The following PCGF3 variants were observed in gnomAD, a reference collection of about 807,000 sequenced individuals.
PCGF3 encodes the protein polycomb group ring finger 3, also known as polycomb group RING finger protein 3.
Under a neutral mutation model 33.1 loss-of-function variants are expected in PCGF3, and 7 were observed. The ratio of observed to expected loss-of-function variants is 0.21; its 90% CI spans 0.12 to 0.40. The LOEUF (loss-of-function observed/expected upper bound fraction) is 0.40, where lower values mean the gene tolerates loss of function less well. PCGF3 is among the 10% of genes least tolerant of loss of function. The pLI is 1.00. For missense variants in PCGF3, 211 were observed against 313.3 expected (o/e 0.67, Z 2.46); for synonymous variants, 153 against 121.3 (o/e 1.26, Z -1.72).
chr4:742,841 G>A (rs1744153505), intron 6 of PCGF3, among the ~76,000 whole-genome samples: 1 of 152,214 alleles, frequency 6.6e-6, no homozygotes, highest in African/African-American at 2.4e-5. Flanking sequence ...GCAACGGGGT[G>A]CCAGAGCTCA....
intron 8 of PCGF3, among the ~76,000 whole-genome samples, chr4:752,422 A>G (rs778334274): frequency 1.3e-5 from 2 of 152,064 alleles, no homozygotes; most frequent in Non-Finnish European, 2.9e-5. Flanking sequence ...TCCTTTCTGG[A>G]GCCTGACTTC....
intron 10 of PCGF3, among the ~76,000 whole-genome samples, 170 bp downstream of exon 10, chr4:765,234 C>T (rs938973224): frequency 1.3e-5 from 2 of 152,166 alleles, no homozygotes; most frequent in African/African-American, 4.8e-5. Flanking sequence ...GAGATCCAGA[C>T]AATCCTGGCT....
chr4:706,396 G>GC (rs1409276615), intron 1 of PCGF3, among the ~76,000 whole-genome samples: 4 of 134,158 alleles, frequency 3.0e-5, no homozygotes, highest in African/African-American at 5.7e-5. Context: ...CGCAGGGAGG[G>GC]CAAGACCCCA....
chr4:741,698 C>T (rs111652071), intron 6 of PCGF3, among the ~76,000 whole-genome samples: 6,037 of 152,282 alleles, frequency 0.04, 161 homozygotes, highest in East Asian at 0.093. Context: ...TGAGCCACCG[C>T]GCCCGGCCCC....
chr4:760,012 C>T (rs981030756), intron 8 of PCGF3, among the ~76,000 whole-genome samples: 1 of 152,338 alleles, frequency 6.6e-6, no homozygotes, highest in Admixed American at 6.5e-5. Flanking sequence ...TCACATTGTC[C>T]CTCTCCTGTG....
chr4:744,382 C>G (rs1744222768), intron 7 of PCGF3, among the ~76,000 whole-genome samples: 1 of 152,244 alleles, frequency 6.6e-6, no homozygotes. Context: ...CTGTGCTCCC[C>G]ACGCCTGCAC....
intron 1 of PCGF3, among the ~76,000 whole-genome samples, chr4:725,805 C>T (rs1743308629): frequency 6.6e-6 from 1 of 152,148 alleles, no homozygotes; most frequent in Non-Finnish European, 1.5e-5. Flanking sequence ...CCCCTCCTGT[C>T]CAGCCTCAGC....
chr4:741,901 C>G (rs1329141729), intron 6 of PCGF3, among the ~76,000 whole-genome samples: 1 of 152,200 alleles, frequency 6.6e-6, no homozygotes, highest in Admixed American at 6.5e-5. Flanking sequence ...GTTCCCGTCA[C>G]GGCTCTTCTG....
chr4:755,937 A>C (rs1240583096), intron 8 of PCGF3, among the ~76,000 whole-genome samples: 1 of 80,444 alleles, frequency 1.2e-5, no homozygotes, highest in African/African-American at 5.3e-5. Context: ...TTTTTTGGAG[A>C]TGGAGTTTCC....
intron 1 of PCGF3, among the ~76,000 whole-genome samples, chr4:716,984 T>A (rs561407069): frequency 1.6e-5 from 2 of 127,504 alleles, no homozygotes; most frequent in East Asian, 2.4e-4. Flanking sequence ...TGGGACCCTG[T>A]AGACACTGAG....
At chr4:768,992 T>C (rs1224613717) in exon 11 of PCGF3, 2 of 152,710 alleles carry the variant, frequency 1.3e-5, no homozygotes, top group Non-Finnish European at 2.9e-5. Context: ...TTCCAAAATA[T>C]GTACATTCAG....
intron 8 of PCGF3, among the ~76,000 whole-genome samples, chr4:749,388 T>C (rs1261876666): frequency 6.6e-6 from 1 of 151,856 alleles, no homozygotes. Context: ...GATCTTGAAC[T>C]CTTGACCTCG....
chr4:739,317 C>T (rs760921900), intron 6 of PCGF3, among the ~76,000 whole-genome samples: 3 of 152,188 alleles, frequency 2.0e-5, no homozygotes, highest in Non-Finnish European at 4.4e-5. Flanking sequence ...TCTCCCACCT[C>T]AGCCTGCCAG....
intron 1 of PCGF3, among the ~76,000 whole-genome samples, chr4:712,622 A>G (rs1742624660): frequency 6.6e-6 from 1 of 151,974 alleles, no homozygotes; most frequent in Non-Finnish European, 1.5e-5. Flanking sequence ...AAGTTTTTGT[A>G]TTTTTAGTAG....
chr4:739,880 C>T (rs759018113), intron 6 of PCGF3, among the ~76,000 whole-genome samples: 1 of 152,216 alleles, frequency 6.6e-6, no homozygotes, highest in African/African-American at 2.4e-5. Context: ...GATTGACACC[C>T]CCAGGGCACG....
chr4:713,495 G>GTCCT lies in PCGF3; in HGVS notation c.-190+7525_-190+7526insTCCT, dbSNP rs1356567769. On this transcript the variant is annotated intron_variant, in intron 1 of 10. Coordinates refer to ENST00000362003, the Ensembl canonical transcript of PCGF3. ...TCATGGGTCCTGTGTGGCCTGGTGG[G>GTCCT]GGCTGTGGCCTTGTGGGTCCTGTGT... Among the ~76,000 whole-genome samples the GTCCT allele has an allele frequency of 1.9e-3, 285 of 150,716 alleles. 1 individual carries two copies. Among genetic ancestry groups the GTCCT allele is most frequent in the African/African-American group, 6.4e-3 (261 of 40,828 alleles).
intron 1 of PCGF3, among the ~76,000 whole-genome samples, chr4:723,249 G>A (rs1346013231): frequency 6.6e-6 from 1 of 152,266 alleles, no homozygotes. Flanking sequence ...AAGGCTCCTA[G>A]CCGCTGCAGT....
chr4:716,365 G>C (rs1742838056), intron 1 of PCGF3, among the ~76,000 whole-genome samples: 1 of 137,530 alleles, frequency 7.3e-6, no homozygotes, highest in Admixed American at 7.4e-5. Flanking sequence ...CTGGGACCCT[G>C]TGGACACTGT....
chr4:764,895 G>T, intron 9 of PCGF3, 89 bp from the exon 10 acceptor site: 1 of 833,386 alleles, frequency 1.2e-6, no homozygotes, highest in Non-Finnish European at 2.0e-6. Flanking sequence ...ATTGGGGAGG[G>T]GCTGCAGATT....
Sources: allele counts gnomAD v4.1 joint callset (sites outside exome capture counted in the v4.1 genomes callset), GRCh38; gene constraint gnomAD v4.1.1; transcripts MANE v1.5; gene names NCBI Gene and HGNC (gene_info 2026-07-23, HGNC 2026-07-21).